The following CSF1R variants were observed in gnomAD, a reference collection of about 807,000 sequenced individuals.
CSF1R encodes the protein macrophage colony-stimulating factor 1 receptor.
In CSF1R, 40 loss-of-function variants were observed where a neutral mutation model predicts 110.0. The observed-to-expected ratio is 0.36, with a 90% CI of 0.28 to 0.47. The LOEUF is 0.47. Among genes scored for constraint, CSF1R ranks in the 20% least tolerant of loss-of-function variants. The pLI, the probability that CSF1R is intolerant of heterozygous loss-of-function variation, is 0.99. For missense variants in CSF1R, 1,052 were observed against 1,253.0 expected, an observed-to-expected ratio of 0.84 and a Z score of 2.42; for synonymous variants, 523 against 503.4, an observed-to-expected ratio of 1.04 and a Z score of -0.52.
At chr5:150,105,208 C>T (rs1327590561) in intron 1 of CSF1R, among the ~76,000 whole-genome samples, 1 of 148,200 alleles carries the variant, frequency 6.7e-6, no homozygotes, top group African/African-American at 2.5e-5. Context: ...ATCAGCCAGG[C>T]GTGGTGGCAC....
In CSF1R at chr5:150,069,840, G is replaced by C. The variant is rs748727967; in HGVS notation, c.1510+33C>G. ...AGGAGCAGGGGCGGGGGGCGGGCGG[G>C]GGGGCGGTGCGGGTGCGAAGGCTCC... is the stretch of plus-strand genomic sequence containing the variant. On this transcript the variant is annotated intron_variant, in intron 9 of 20. Coordinates refer to ENST00000675795, the MANE Select transcript of CSF1R (RefSeq NM_001288705.3). 4 of 1,129,594 alleles carry C rather than the reference G, an allele frequency of 3.5e-6. No homozygotes were observed. In the Admixed American group the frequency reaches 6.8e-5, roughly 19 times the overall value. 70.0% of individuals were successfully genotyped at this position (1,129,594 alleles called of 1,614,324 possible).
intron 5 of CSF1R, 130 bp downstream of exon 5, chr5:150,077,146 G>A (rs749584079): frequency 8.1e-6 from 10 of 1,240,806 alleles, no homozygotes; most frequent in African/African-American, 4.5e-5. Flanking sequence ...GCCAGGCCTT[G>A]GATAAACAAA....
At chr5:150,078,028 G>T in intron 4 of CSF1R, 84 bp downstream of exon 4, 1 of 1,571,108 alleles carries the variant, frequency 6.4e-7, no homozygotes. Flanking sequence ...CCAGTTTGGA[G>T]TTGGGGGCCC....
At chr5:150,084,359 G>GAAAGAAAGAAAGAAAGAAAA in intron 1 of CSF1R, among the ~76,000 whole-genome samples, 1 of 43,666 alleles carries the variant, frequency 2.3e-5, no homozygotes, top group African/African-American at 1.3e-4. Context: ...AAGAAAGAAA[G>GAAAGAAAGAAAGAAAGAAAA]AAAGAAAGAA....
At chr5:150,057,241 A>G in intron 16 of CSF1R, 46 bp downstream of exon 16, 2 of 1,550,746 alleles carry the variant, frequency 1.3e-6, no homozygotes, top group Non-Finnish European at 1.8e-6. Flanking sequence ...GCCTCCCCGG[A>G]GCACAGACCT....
chr5:150,084,386 A>AGAAAGAAAGAAAGAAAGAAG (rs1758719710), intron 1 of CSF1R, among the ~76,000 whole-genome samples: 1 of 45,432 alleles, frequency 2.2e-5, no homozygotes, highest in African/African-American at 1.4e-4. Context: ...AAAGAAAGAA[A>AGAAAGAAAGAAAGAAAGAAG]GAAAGAAGGA....
intron 10 of CSF1R, among the ~76,000 whole-genome samples, chr5:150,063,109 C>T (rs771179185): frequency 3.9e-5 from 6 of 152,056 alleles, no homozygotes; most frequent in African/African-American, 1.2e-4. Flanking sequence ...CCTCGACCCC[C>T]GAGGTTCAAG....
chr5:150,065,168 A>C (rs1474803777), intron 10 of CSF1R, among the ~76,000 whole-genome samples: 1 of 152,100 alleles, frequency 6.6e-6, no homozygotes, highest in Non-Finnish European at 1.5e-5. Context: ...TCCCCACCAA[A>C]GGGGGCATGG....
intron 1 of CSF1R, among the ~76,000 whole-genome samples, chr5:150,112,085 T>C (rs1759736807): frequency 6.6e-6 from 1 of 150,604 alleles, no homozygotes; most frequent in South Asian, 2.1e-4. Flanking sequence ...GTATGGAAAA[T>C]GTAATTGTGT....
chr5:150,081,421 G>A (rs941976211), intron 1 of CSF1R, among the ~76,000 whole-genome samples: 2 of 152,140 alleles, frequency 1.3e-5, no homozygotes, highest in East Asian at 3.9e-4. Flanking sequence ...AGAAACAAAT[G>A]AATGGAATGT....
chr5:150,085,286 A>AAAAAAACAAAC (rs1758790882), intron 1 of CSF1R, among the ~76,000 whole-genome samples: 1 of 148,714 alleles, frequency 6.7e-6, no homozygotes, highest in Non-Finnish European at 1.5e-5. Context: ...GGAAAAAAAA[A>AAAAAAACAAAC]AAAAAAACCC....
At chr5:150,088,519 C>CTTTTT (rs528725145), upstream of CSF1R, among the ~76,000 whole-genome samples, 1 of 146,152 alleles carries the variant, frequency 6.8e-6, no homozygotes. Flanking sequence ...CAAACCAAAT[C>CTTTTT]TTTTTTTTTT....
At chr5:150,093,845 C>T (rs1408844146) in intron 1 of CSF1R, among the ~76,000 whole-genome samples, 3 of 152,158 alleles carry the variant, frequency 2.0e-5, no homozygotes, top group Non-Finnish European at 4.4e-5. Flanking sequence ...GGGCAGGTCA[C>T]CTGAGGTCAG....
At chr5:150,109,680 G>A (rs1223768362) in intron 1 of CSF1R, among the ~76,000 whole-genome samples, 1 of 152,102 alleles carries the variant, frequency 6.6e-6, no homozygotes, top group Non-Finnish European at 1.5e-5. Flanking sequence ...TTTCTCAGCC[G>A]CCCAGGGCAC....
At chr5:150,101,413 A>G (rs1225745881) in intron 1 of CSF1R, among the ~76,000 whole-genome samples, 1 of 152,210 alleles carries the variant, frequency 6.6e-6, no homozygotes, top group Non-Finnish European at 1.5e-5. Context: ...ATGTCACTGC[A>G]GCTTTGTAGG....
intron 1 of CSF1R, among the ~76,000 whole-genome samples, chr5:150,083,070 G>C (rs1352879545): frequency 6.6e-6 from 1 of 151,976 alleles, no homozygotes; most frequent in African/African-American, 2.4e-5. Flanking sequence ...AGGTATTCAC[G>C]CAGGATAAGG....
At chr5:150,057,620 GAGGTCAC>G in intron 14 of CSF1R, 28 bp from the exon 15 acceptor site, 2 of 1,584,486 alleles carry the variant, frequency 1.3e-6, no homozygotes, top group Non-Finnish European at 1.7e-6. Flanking sequence ...TTGGGGGGCA[GAGGTCAC>G]TCATCATCAC....
At chr5:150,102,870 A>G (rs1759447693) in intron 1 of CSF1R, among the ~76,000 whole-genome samples, 2 of 152,196 alleles carry the variant, frequency 1.3e-5, no homozygotes, top group Non-Finnish European at 2.9e-5. Context: ...CTTCTCTGCT[A>G]ATGTTCTTTT....
At chr5:150,065,728 G>A (rs1362349908) in intron 10 of CSF1R, among the ~76,000 whole-genome samples, 1 of 152,224 alleles carries the variant, frequency 6.6e-6, no homozygotes, top group Non-Finnish European at 1.5e-5. Flanking sequence ...TGGGTGTAGG[G>A]GAGGAGGGTA....
Sources: allele counts gnomAD v4.1 joint callset (sites outside exome capture counted in the v4.1 genomes callset), GRCh38; gene constraint gnomAD v4.1.1; transcripts MANE v1.5; gene names NCBI Gene and HGNC (gene_info 2026-07-23, HGNC 2026-07-21).